The following HELZ variants were observed in gnomAD, a reference collection of about 807,000 sequenced individuals.
HELZ encodes the protein ATP-dependent RNA helicase with zinc finger domain.
In HELZ, 23 loss-of-function variants were observed where a neutral mutation model predicts 218.2. The ratio of observed to expected loss-of-function variants is 0.11; its 90% confidence interval spans 0.08 to 0.15. The LOEUF is 0.15. Ranked by LOEUF, HELZ falls within the 10% of genes least tolerant of loss-of-function variation. The pLI is 1.00. For synonymous variants in HELZ, 814 were observed against 829.4 expected, an observed-to-expected ratio of 0.98 and a Z score of 0.32; for missense variants, 1,813 against 2,353.7, an observed-to-expected ratio of 0.77 and a Z score of 4.75.
intron 21 of HELZ, among the ~76,000 whole-genome samples, chr17:67,142,395 T>C (rs767298984): frequency 6.6e-6 from 1 of 152,012 alleles, no homozygotes; most frequent in Non-Finnish European, 1.5e-5. Context: ...TAGTCCCAGC[T>C]ACTTAGGAGG....
chr17:67,209,667 T>C (rs1335888987), intron 5 of HELZ, among the ~76,000 whole-genome samples: 2 of 152,140 alleles, frequency 1.3e-5, no homozygotes, highest in African/African-American at 2.4e-5. Flanking sequence ...CAAAGCAACA[T>C]GCCCTTTCAG....
chr17:67,205,980 C>T (rs1399697886), intron 5 of HELZ, among the ~76,000 whole-genome samples: 3 of 152,198 alleles, frequency 2.0e-5, no homozygotes, highest in African/African-American at 7.2e-5. Context: ...ATAAAAACCT[C>T]TCCTGCTACT....
intron 31 of HELZ, among the ~76,000 whole-genome samples, chr17:67,097,450 G>A (rs574484964): frequency 6.6e-6 from 1 of 152,288 alleles, no homozygotes; most frequent in South Asian, 2.1e-4. Context: ...TTGCAACACA[G>A]TGCATCAAAA....
chr17:67,102,266 A>C (rs1287300882), intron 31 of HELZ, among the ~76,000 whole-genome samples: 1 of 152,228 alleles, frequency 6.6e-6, no homozygotes, highest in Non-Finnish European at 1.5e-5. Flanking sequence ...CCCAACAAAT[A>C]ATCTCCCTCC....
At chr17:67,137,286 C>T (rs771419817) in intron 22 of HELZ, among the ~76,000 whole-genome samples, 8 of 152,210 alleles carry the variant, frequency 5.3e-5, no homozygotes, top group Non-Finnish European at 1.2e-4. Flanking sequence ...ATTCACTACC[C>T]TAAGTCTCCT....
At chr17:67,115,133 G>T (rs1228947947) in intron 27 of HELZ, among the ~76,000 whole-genome samples, 3 of 152,016 alleles carry the variant, frequency 2.0e-5, no homozygotes. Context: ...TTACCATTAA[G>T]CTTCAAGAAA....
At chr17:67,126,825 G>A (rs576964457) in intron 24 of HELZ, among the ~76,000 whole-genome samples, 33 of 152,006 alleles carry the variant, frequency 2.2e-4, no homozygotes, top group Admixed American at 5.9e-4. Flanking sequence ...TTGCACCACT[G>A]CACTCCAGCC....
chr17:67,169,247 A>G (rs1222730622), intron 13 of HELZ, among the ~76,000 whole-genome samples: 1 of 152,200 alleles, frequency 6.6e-6, no homozygotes, highest in Non-Finnish European at 1.5e-5. Flanking sequence ...GGTTTGTCTT[A>G]GTCTGTTTTG....
At chr17:67,221,659 G>A (rs917270510) in intron 3 of HELZ, among the ~76,000 whole-genome samples, 3 of 152,088 alleles carry the variant, frequency 2.0e-5, no homozygotes, top group East Asian at 1.9e-4. Context: ...TCTAAACTGG[G>A]AAGACAACTA....
Position 67,120,567 on chromosome 17 carries a change from T to A in HELZ, c.3676A>T (p.Ile1226Phe). The change falls in exon 27 of 33, where the codon ATT becomes TTT. Residue 1226 changes from isoleucine to phenylalanine, a missense_variant. Ile to Phe is a conservative substitution (Grantham distance 21). Around this residue, in one of 4 missense-constraint regions of HELZ, gnomAD observed 938 missense variants for 1,027.5 expected, o/e 0.91. Coordinates refer to ENST00000358691, the MANE Select transcript of HELZ (RefSeq NM_014877.4). ...YQGRFAVDPR[I>F]ITHQAAMAYN... ...GCCATTGCTGCCTGATGTGTAATAA[T>A]TCGAGGATCAACTGCAAACCTACCC... 6.2e-7 allele frequency: 1 copy of A among 1,613,278 alleles called. No individual in the cohort carries two copies. Among genetic ancestry groups the A allele is most frequent in the Non-Finnish European group, 8.5e-7 (1 of 1,179,970 alleles).
Position 67,078,273 on chromosome 17 carries a change from G to C in HELZ, c.5808C>G (p.Gly1936=). Residue 1936 remains glycine, a synonymous_variant, in exon 33 of 33, where the codon GGC becomes GGG. Coordinates refer to ENST00000358691, the MANE Select transcript of HELZ (RefSeq NM_014877.4). ...LSLGSSSGSN[G]FYSYFK is the part of the protein sequence containing the mutation. ...GTGATTATTTAAAATATGAGTAAAAGCCATTGCTGCCAGATGAGCTCCCTA... is the reference window on the plus strand; with the variant it reads ...GTGATTATTTAAAATATGAGTAAAACCCATTGCTGCCAGATGAGCTCCCTA... 6.2e-7 allele frequency: 1 copy of C among 1,612,444 alleles called. No homozygotes were observed. Among genetic ancestry groups the C allele is most frequent in the South Asian group, 1.1e-5 (1 of 91,048 alleles).
intron 31 of HELZ, among the ~76,000 whole-genome samples, chr17:67,098,329 G>C (rs1045281231): frequency 3.9e-5 from 6 of 152,138 alleles, no homozygotes; most frequent in African/African-American, 9.7e-5. Context: ...CTTTTAAAAG[G>C]GGGGAGTTAA....
chr17:67,126,952 T>C (rs1385830304), intron 24 of HELZ, among the ~76,000 whole-genome samples: 1 of 152,220 alleles, frequency 6.6e-6, no homozygotes, highest in East Asian at 1.9e-4. Flanking sequence ...CGGGAGTCTT[T>C]TGTAAAAGCT....
chr17:67,143,138 T>C (rs567937287), intron 21 of HELZ, among the ~76,000 whole-genome samples: 112 of 152,262 alleles, frequency 7.4e-4, no homozygotes, highest in Middle Eastern at 3.4e-3. Flanking sequence ...AGATAATTAA[T>C]TGCAGATTCT....
intron 13 of HELZ, among the ~76,000 whole-genome samples, chr17:67,168,942 AT>A (rs1245323778): frequency 6.6e-6 from 1 of 152,118 alleles, no homozygotes; most frequent in Non-Finnish European, 1.5e-5. Flanking sequence ...AAATACAAAA[AT>A]TAGCCAGGTG....
chr17:67,245,262 C>CCGCCGG, upstream of HELZ: 3 of 961,400 alleles, frequency 3.1e-6, no homozygotes, highest in Non-Finnish European at 3.7e-6. Flanking sequence ...CCGCCTCCCG[C>CCGCCGG]CGCCGGCGCC....
intron 23 of HELZ, among the ~76,000 whole-genome samples, chr17:67,129,825 TAA>T (rs1378113926): frequency 1.3e-5 from 2 of 152,108 alleles, no homozygotes; most frequent in Non-Finnish European, 2.9e-5. Context: ...AGACAACATA[TAA>T]AGTTTTTAAA....
intron 15 of HELZ, among the ~76,000 whole-genome samples, chr17:67,165,942 G>T (rs1197507492): frequency 6.6e-6 from 1 of 152,068 alleles, no homozygotes; most frequent in Non-Finnish European, 1.5e-5. Flanking sequence ...GACCAGCATG[G>T]ACAAGACAGC....
intron 1 of HELZ, chr17:67,244,611 G>T: frequency 1.0e-6 from 1 of 956,658 alleles, no homozygotes; most frequent in Non-Finnish European, 1.2e-6. Flanking sequence ...AGTGAATCTC[G>T]GGCCGAGAGC....
Sources: allele counts gnomAD v4.1 joint callset (sites outside exome capture counted in the v4.1 genomes callset), GRCh38; gene constraint gnomAD v4.1.1; regional missense constraint gnomAD v4.1.1; transcripts MANE v1.5; gene names NCBI Gene and HGNC (gene_info 2026-07-23, HGNC 2026-07-21).